The following CA10 variants were observed in gnomAD, a reference collection of about 807,000 sequenced individuals.
The protein encoded by CA10 is carbonic anhydrase 10 (inactive).
Under a neutral mutation model 44.2 loss-of-function variants are expected in CA10, and 14 were observed. The ratio of observed to expected loss-of-function variants is 0.32; its 90% CI spans 0.21 to 0.50. The LOEUF is 0.50. Ranked by LOEUF, CA10 falls within the 20% of genes least tolerant of loss-of-function variation. CA10 has a pLI of 0.99. For missense variants in CA10, 350 were observed against 409.7 expected (o/e 0.85, Z 1.26); for synonymous variants, 159 against 141.6 (o/e 1.12, Z -0.87).
chr17:51,875,226 G>T (rs1055006960), intron 3 of CA10, among the ~76,000 whole-genome samples: 3 of 152,120 alleles, frequency 2.0e-5, no homozygotes, highest in Non-Finnish European at 4.4e-5. Context: ...GCCCAAGTTA[G>T]TCTTGAACTC....
intron 2 of CA10, among the ~76,000 whole-genome samples, chr17:51,992,495 A>G (rs558786058): frequency 2.6e-5 from 4 of 152,170 alleles, no homozygotes; most frequent in Non-Finnish European, 4.4e-5. Context: ...TAAAGTAAAT[A>G]CATGCTGTAA....
chr17:51,758,884 G>A (rs1386376953), intron 3 of CA10, among the ~76,000 whole-genome samples: 2 of 152,170 alleles, frequency 1.3e-5, no homozygotes, highest in Non-Finnish European at 2.9e-5. Flanking sequence ...GGTGCCACAT[G>A]CTCAGCTCAT....
At chr17:51,930,584 C>T (rs1166650713) in intron 3 of CA10, among the ~76,000 whole-genome samples, 2 of 151,948 alleles carry the variant, frequency 1.3e-5, no homozygotes, top group African/African-American at 4.8e-5. Flanking sequence ...TTTTTCCTCC[C>T]AAGATGATGA....
At chr17:51,690,771 CTT>C in intron 4 of CA10, among the ~76,000 whole-genome samples, 1 of 152,268 alleles carries the variant, frequency 6.6e-6, no homozygotes, top group South Asian at 2.1e-4. Flanking sequence ...ATTACCCAGT[CTT>C]GGGTATTTCT....
rs1983569179 is a variant in CA10 at position 51,953,734 on chromosome 17, TTAC to T, written c.137-22605_137-22603del. Among the ~76,000 whole-genome samples, 8 of 152,288 alleles carry T rather than the reference TTAC, an allele frequency of 5.3e-5. No individual in the cohort carries two copies. In the South Asian group the frequency reaches 1.7e-3, roughly 32 times the overall value. ...TAATTCATATAAATCTTGCATATTA[TTAC>T]TTTTATTCCTAAATATTTGATCATT... On this transcript the variant is annotated intron_variant, in intron 2 of 8. Coordinates refer to ENST00000451037, the MANE Select transcript of CA10 (RefSeq NM_020178.5).
At chr17:52,158,926 G>C (rs957445109), upstream of CA10, among the ~76,000 whole-genome samples, 2 of 152,216 alleles carry the variant, frequency 1.3e-5, no homozygotes, top group South Asian at 4.1e-4. Flanking sequence ...GGCTGAGCGC[G>C]GCCATGAGGA....
chr17:51,815,287 G>A (rs1907521672), intron 3 of CA10, among the ~76,000 whole-genome samples: 1 of 152,124 alleles, frequency 6.6e-6, no homozygotes, highest in South Asian at 2.1e-4. Context: ...GTGCTGATGT[G>A]AAGAAACCCT....
intron 2 of CA10, among the ~76,000 whole-genome samples, chr17:52,046,650 A>T (rs1986920706): frequency 6.6e-6 from 1 of 151,854 alleles, no homozygotes; most frequent in African/African-American, 2.4e-5. Flanking sequence ...AGAAAATAGA[A>T]GATGATGGAA....
At chr17:51,906,809 C>T (rs995689072) in intron 3 of CA10, among the ~76,000 whole-genome samples, 1 of 152,132 alleles carries the variant, frequency 6.6e-6, no homozygotes, top group Admixed American at 6.5e-5. Flanking sequence ...TACTCTCCTT[C>T]TCTCACAACC....
At chr17:51,733,307 CT>C (rs1441979882) in intron 4 of CA10, among the ~76,000 whole-genome samples, 7 of 152,318 alleles carry the variant, frequency 4.6e-5, no homozygotes, top group African/African-American at 1.7e-4. Flanking sequence ...AAGCCAAGGG[CT>C]GGCTGGCTCC....
chr17:51,887,611 T>C (rs1049428459), intron 3 of CA10, among the ~76,000 whole-genome samples: 2 of 152,174 alleles, frequency 1.3e-5, no homozygotes, highest in Non-Finnish European at 1.5e-5. Context: ...TTTCCACATC[T>C]GCACAATGCG....
intron 2 of CA10, among the ~76,000 whole-genome samples, chr17:52,022,727 G>A (rs939921387): frequency 1.3e-5 from 2 of 151,852 alleles, no homozygotes; most frequent in Non-Finnish European, 2.9e-5. Context: ...TCCATTTAAA[G>A]GCTCCTAAAA....
intron 4 of CA10, among the ~76,000 whole-genome samples, chr17:51,713,331 C>T (rs551529299): frequency 1.3e-5 from 2 of 152,236 alleles, no homozygotes; most frequent in South Asian, 4.1e-4. Flanking sequence ...GTCATGACCA[C>T]AGCAAGGGCA....
intron 4 of CA10, among the ~76,000 whole-genome samples, chr17:51,664,155 G>A (rs1051332879): frequency 3.3e-5 from 5 of 152,074 alleles, no homozygotes; most frequent in East Asian, 1.9e-4. Flanking sequence ...GAGATTTAAT[G>A]TTATGTAGTT....
intron 4 of CA10, among the ~76,000 whole-genome samples, chr17:51,691,079 T>G (rs751455024): frequency 2.0e-5 from 3 of 152,198 alleles, no homozygotes; most frequent in Non-Finnish European, 4.4e-5. Context: ...TCCATATCCT[T>G]TGGGCATATA....
intron 2 of CA10, among the ~76,000 whole-genome samples, chr17:51,959,280 C>CTGTG (rs1400750875): frequency 1.5e-5 from 1 of 66,512 alleles, no homozygotes; most frequent in Non-Finnish European, 3.2e-5. Flanking sequence ...CGCTCTCTCT[C>CTGTG]TCTGTGTGTG....
chr17:52,005,699 A>G (rs1023916922), intron 2 of CA10, among the ~76,000 whole-genome samples: 3 of 151,888 alleles, frequency 2.0e-5, no homozygotes, highest in Admixed American at 6.6e-5. Flanking sequence ...GTAATGATAA[A>G]CTTTTCAAAA....
intron 4 of CA10, among the ~76,000 whole-genome samples, chr17:51,674,243 C>T (rs1490473073): frequency 6.6e-6 from 1 of 152,192 alleles, no homozygotes; most frequent in Non-Finnish European, 1.5e-5. Context: ...ACTAAATATA[C>T]TTTGTTGATA....
intron 3 of CA10, among the ~76,000 whole-genome samples, chr17:51,881,919 T>A (rs1165352420): frequency 6.6e-6 from 1 of 152,128 alleles, no homozygotes; most frequent in Non-Finnish European, 1.5e-5. Context: ...TAGGCACATA[T>A]CCTATTGGAA....
Sources: allele counts gnomAD v4.1 joint callset (sites outside exome capture counted in the v4.1 genomes callset), GRCh38; gene constraint gnomAD v4.1.1; transcripts MANE v1.5; gene names NCBI Gene and HGNC (gene_info 2026-07-23, HGNC 2026-07-21).